Variants in CCSER1 observed in about 807,000 individuals in gnomAD.
CCSER1 encodes coiled-coil serine rich protein 1.
In CCSER1, 41 loss-of-function variants were observed where a neutral mutation model predicts 82.0. The observed-to-expected ratio is 0.50, with a 90% CI of 0.39 to 0.65. CCSER1 has a LOEUF of 0.65. Ranked by LOEUF, CCSER1 falls within the 30% of genes least tolerant of loss-of-function variation. The pLI is 0.00. For synonymous variants in CCSER1, 414 were observed against 383.9 expected (o/e 1.08, Z -0.92); for missense variants, 1,119 against 1,064.2 (o/e 1.05, Z -0.72).
intron 8 of CCSER1, among the ~76,000 whole-genome samples, chr4:90,900,959 G>T (rs192609970): frequency 6.6e-6 from 1 of 151,846 alleles, no homozygotes; most frequent in Admixed American, 6.6e-5. Context: ...CTATAAATCT[G>T]TGTGCTTTGA....
chr4:90,929,955 T>C (rs1729524726), intron 9 of CCSER1, among the ~76,000 whole-genome samples: 1 of 152,214 alleles, frequency 6.6e-6, no homozygotes, highest in Non-Finnish European at 1.5e-5. Context: ...TGTATACATA[T>C]ATCAATATCA....
intron 7 of CCSER1, among the ~76,000 whole-genome samples, chr4:90,735,625 C>T (rs1048581475): frequency 6.6e-6 from 1 of 151,964 alleles, no homozygotes; most frequent in African/African-American, 2.4e-5. Context: ...CTCATGGTAA[C>T]TTTAAATTTA....
intron 9 of CCSER1, among the ~76,000 whole-genome samples, chr4:91,064,398 A>G (rs1744192005): frequency 6.6e-6 from 1 of 152,206 alleles, no homozygotes; most frequent in Admixed American, 6.5e-5. Context: ...GAAAAGACAC[A>G]TCCAGCAAAG....
rs1354590275 is a variant in CCSER1 at position 91,282,320 on chromosome 4, C to T, written c.2217+196326C>T. Among the ~76,000 whole-genome samples the T allele has an allele frequency of 2.0e-5, 3 of 152,216 alleles. No homozygotes were observed. The East Asian group carries it at 5.8e-4, about 29-fold the overall frequency. The stretch of plus-strand genomic sequence containing the variant: ...TAGATAACCTGCCATGATTTCTGCC[C>T]TTAGACTCAAAGTAGTAAACATTAG... On this transcript the variant is annotated intron_variant, in intron 10 of 10. Coordinates refer to ENST00000509176, the MANE Select transcript of CCSER1 (RefSeq NM_001145065.2).
At chr4:90,599,631 A>G (rs1783800740) in intron 5 of CCSER1, among the ~76,000 whole-genome samples, 2 of 152,148 alleles carry the variant, frequency 1.3e-5, no homozygotes, top group Admixed American at 1.3e-4. Context: ...GGGATGGCAG[A>G]GGCAATGTGT....
At chr4:90,984,264 C>CT (rs1736386577) in intron 9 of CCSER1, among the ~76,000 whole-genome samples, 1 of 151,742 alleles carries the variant, frequency 6.6e-6, no homozygotes, top group Admixed American at 6.6e-5. Flanking sequence ...CTTATATAAT[C>CT]TAACTTTATC....
chr4:90,360,321 G>A (rs1196589863), intron 3 of CCSER1, among the ~76,000 whole-genome samples: 2 of 149,484 alleles, frequency 1.3e-5, no homozygotes, highest in East Asian at 2.0e-4. Flanking sequence ...GAGGTCAGGA[G>A]ATTGATACCA....
chr4:90,756,088 C>T (rs1013716355), intron 7 of CCSER1, among the ~76,000 whole-genome samples: 3 of 152,020 alleles, frequency 2.0e-5, no homozygotes, highest in African/African-American at 7.2e-5. Flanking sequence ...GCTAGCCAGG[C>T]GTGGTGGCAG....
chr4:91,161,552 ATTTG>A (rs1369919290), intron 10 of CCSER1, among the ~76,000 whole-genome samples: 1 of 152,136 alleles, frequency 6.6e-6, no homozygotes, highest in Non-Finnish European at 1.5e-5. Context: ...ATATTCTTCC[ATTTG>A]TTTGTGTCCT....
intron 9 of CCSER1, among the ~76,000 whole-genome samples, chr4:90,942,092 C>T (rs780427065): frequency 4.6e-5 from 7 of 152,038 alleles, no homozygotes; most frequent in Non-Finnish European, 1.0e-4. Context: ...GGACTAGAGG[C>T]ACACACCATC....
rs1189950480 is a variant in CCSER1, at chr4:90,582,691, A to G, written c.1725-45334A>G. On this transcript the variant is annotated intron_variant, in intron 5 of 10. Coordinates refer to ENST00000509176, the MANE Select transcript of CCSER1 (RefSeq NM_001145065.2). ...CATTCTGTTCTCTTAGCTATGGACC[A>G]CTTGATCAGTAAGTAATTCAAATGC... 2.0e-5 allele frequency among the ~76,000 whole-genome samples: 3 copies of G among 152,160 alleles called. No homozygotes were observed. The East Asian group carries it at 5.8e-4, about 29-fold the overall frequency.
intron 10 of CCSER1, among the ~76,000 whole-genome samples, chr4:91,421,808 TAAA>T (rs370533253): frequency 6.9e-6 from 1 of 144,076 alleles, no homozygotes; most frequent in Non-Finnish European, 1.5e-5. Flanking sequence ...TAAAAAAAGT[TAAA>T]AAAAAAAACC....
intron 5 of CCSER1, among the ~76,000 whole-genome samples, chr4:90,602,062 G>T (rs1202475429): frequency 6.6e-6 from 1 of 152,078 alleles, no homozygotes; most frequent in Non-Finnish European, 1.5e-5. Flanking sequence ...GGTAGGTGTT[G>T]TTCTAGTCTT....
intron 5 of CCSER1, among the ~76,000 whole-genome samples, chr4:90,618,582 G>A (rs1443200199): frequency 1.3e-5 from 2 of 151,848 alleles, no homozygotes; most frequent in African/African-American, 4.8e-5. Context: ...TATTTTAGTA[G>A]TTTGGTCCTG....
chr4:90,987,612 A>G (rs960571687), intron 9 of CCSER1, among the ~76,000 whole-genome samples: 1 of 151,748 alleles, frequency 6.6e-6, no homozygotes, highest in African/African-American at 2.4e-5. Flanking sequence ...TAGGAGGAAA[A>G]AAAATGAATT....
intron 7 of CCSER1, among the ~76,000 whole-genome samples, chr4:90,749,816 A>G (rs1388760558): frequency 6.6e-6 from 1 of 151,738 alleles, no homozygotes; most frequent in Non-Finnish European, 1.5e-5. Context: ...CAGTAATGGG[A>G]TGGCTGGGTC....
At chr4:91,406,920 CACA>C (rs1339789368) in intron 10 of CCSER1, among the ~76,000 whole-genome samples, 1 of 152,102 alleles carries the variant, frequency 6.6e-6, no homozygotes, top group Non-Finnish European at 1.5e-5. Flanking sequence ...TGAATATTCT[CACA>C]ACATGGCACA....
intron 9 of CCSER1, among the ~76,000 whole-genome samples, chr4:90,987,542 A>G (rs1448262570): frequency 6.6e-6 from 1 of 151,646 alleles, no homozygotes; most frequent in East Asian, 1.9e-4. Context: ...TTTCTTAAAT[A>G]TATGCTACTT....
intron 1 of CCSER1, among the ~76,000 whole-genome samples, chr4:90,170,909 T>C (rs1167463677): frequency 6.6e-6 from 1 of 151,844 alleles, no homozygotes; most frequent in Non-Finnish European, 1.5e-5. Context: ...GATCATATGG[T>C]AGCTCAATTT....
Sources: gnomAD v4.1 joint callset for allele counts (sites outside exome capture counted in the v4.1 genomes callset) on GRCh38, gnomAD v4.1.1 for gene constraint, MANE v1.5 for transcripts, NCBI Gene and HGNC (gene_info 2026-07-23, HGNC 2026-07-21) for gene names.